The following GIMAP7 variants were observed in gnomAD, a reference collection of about 807,000 sequenced individuals.
GIMAP7 encodes the protein GTPase IMAP family member 7.
For missense variants in GIMAP7, 323 were observed against 359.7 expected (o/e 0.90, Z 0.83); for synonymous variants, 137 against 129.3 (o/e 1.06, Z -0.40).
Position 150,520,438 on chromosome 7 carries a change from G to A in GIMAP7, c.464G>A (p.Ser155Asn), listed in dbSNP as rs747843953. 6.2e-7 allele frequency: 1 copy of A among 1,614,232 alleles called. No individual in the cohort carries two copies. Among genetic ancestry groups the A allele is most frequent in the Non-Finnish European group, 8.5e-7 (1 of 1,180,048 alleles). The change falls in exon 2 of 2, where the codon AGC becomes AAC. Residue 155 changes from serine (S) to asparagine (N), a missense_variant. Coordinates refer to ENST00000313543, the MANE Select transcript of GIMAP7 (RefSeq NM_153236.4). ...FIADADVGLK[S>N]IVKECGNRCC... The stretch of plus-strand genomic sequence containing the variant: ...GCAGATGCGGATGTGGGCCTAAAAA[G>A]CATCGTCAAGGAGTGCGGGAACCGC...
At chr7:150,519,829 G>A (rs1260301117) in intron 1 of GIMAP7, 105 bp from the exon 2 acceptor site, 2 of 641,786 alleles carry the variant, frequency 3.1e-6, no homozygotes, top group Admixed American at 2.9e-5. Flanking sequence ...ATGGATAATA[G>A]GATATTACAA....
intron 1 of GIMAP7, among the ~76,000 whole-genome samples, chr7:150,516,161 G>A (rs895382569): frequency 6.6e-6 from 1 of 152,170 alleles, no homozygotes; most frequent in Non-Finnish European, 1.5e-5. Context: ...TCACTGTAGA[G>A]TATTTTTGAA....
Position 150,520,905 on chromosome 7 carries a change from T to C in GIMAP7, c.*28T>C, listed in dbSNP as rs750095789. Reference sequence around the variant, plus strand: ...TACTGTGATTTGTTAATGGATGAATTGTATTTTGCAAAGATAGTTAGAGAA... The same window carrying C: ...TACTGTGATTTGTTAATGGATGAATCGTATTTTGCAAAGATAGTTAGAGAA... On this transcript the variant is annotated 3_prime_UTR_variant, in exon 2 of 2. Coordinates refer to ENST00000313543, the MANE Select transcript of GIMAP7 (RefSeq NM_153236.4). 8.0e-7 allele frequency: 1 copy of C among 1,243,298 alleles called. No individual in the cohort carries two copies. The highest frequency in any genetic ancestry group is 2.0e-5 in the South Asian group (1 of 50,522). The allele number at this position is 1,243,298 out of a possible 1,614,324, so 77.0% of individuals were successfully genotyped here.
intron 1 of GIMAP7, among the ~76,000 whole-genome samples, chr7:150,517,977 T>C (rs1391492540): frequency 2.6e-5 from 4 of 152,156 alleles, no homozygotes; most frequent in East Asian, 1.9e-4. Flanking sequence ...CTTCTTCTTA[T>C]ATAAATGATA....
chr7:150,520,665 GA>G lies in GIMAP7; in HGVS notation c.694del (p.Ile232LeufsTer3). On this transcript the variant is annotated frameshift_variant, in exon 2 of 2. Transcript: ENST00000313543. LOFTEE classifies it low-confidence loss of function (END_TRUNC). ...RKIYTDQLNE[E>X]IKLVEEDKHK... is the part of the protein sequence containing the mutation. Reference sequence around the variant, plus strand: ...AATCTACACTGACCAATTAAATGAAGAAATTAAACTAGTAGAAGAGGATAAG... The same window carrying G: ...AATCTACACTGACCAATTAAATGAAGAATTAAACTAGTAGAAGAGGATAAG... 6.2e-7 allele frequency: 1 copy of G among 1,609,918 alleles called. No homozygotes were observed. Among genetic ancestry groups the G allele is most frequent in the African/African-American group, 1.3e-5 (1 of 74,794 alleles).
Position 150,520,877 on chromosome 7 carries a change from AT to A in GIMAP7, c.*3del. The A allele has an allele frequency of 7.1e-7, 1 of 1,404,152 alleles. No homozygotes were observed. Among genetic ancestry groups the A allele is most frequent in the South Asian group, 1.7e-5 (1 of 58,588 alleles). 87.0% of individuals were successfully genotyped at this position (1,404,152 alleles called of 1,614,324 possible). On this transcript the variant is annotated 3_prime_UTR_variant, in exon 2 of 2. Coordinates refer to ENST00000313543, the MANE Select transcript of GIMAP7 (RefSeq NM_153236.4). ...CGAAATGTAAGTTTTATTCTTCCTAATTTACTGTGATTTGTTAATGGATGAA... is the reference window on the plus strand; with the variant it reads ...CGAAATGTAAGTTTTATTCTTCCTAATTACTGTGATTTGTTAATGGATGAA...
At chr7:150,517,479 C>A (rs1000167612) in intron 1 of GIMAP7, among the ~76,000 whole-genome samples, 3 of 152,088 alleles carry the variant, frequency 2.0e-5, no homozygotes, top group Non-Finnish European at 4.4e-5. Flanking sequence ...GTCCTAATTT[C>A]TTTTGTGGGA....
chr7:150,520,273 T>A lies in GIMAP7; in HGVS notation c.299T>A (p.Leu100Gln). The A allele has an allele frequency of 1.9e-6, 3 of 1,614,214 alleles. No individual in the cohort carries two copies. The highest frequency in any genetic ancestry group is 2.5e-6 in the Non-Finnish European group (3 of 1,180,042). The change falls in exon 2 of 2, where the codon CTG (leucine) becomes CAG (glutamine). Residue 100 changes from leucine to glutamine, a missense_variant. Coordinates refer to ENST00000313543, the MANE Select transcript of GIMAP7 (RefSeq NM_153236.4). ...PGPHAIVLVL[L>Q]LGRYTEEEQK... The stretch of plus-strand genomic sequence containing the variant: ...CCCCATGCTATTGTCCTAGTTCTGC[T>A]GCTGGGCCGCTACACAGAGGAGGAG...
chr7:150,517,953 T>TAA (rs1795151493), intron 1 of GIMAP7, among the ~76,000 whole-genome samples: 1 of 152,070 alleles, frequency 6.6e-6, no homozygotes, highest in Non-Finnish European at 1.5e-5. Flanking sequence ...TTTATATATA[T>TAA]AAAACTAATA....
chr7:150,516,414 G>A (rs1308828484), intron 1 of GIMAP7, among the ~76,000 whole-genome samples: 1 of 152,114 alleles, frequency 6.6e-6, no homozygotes, highest in Non-Finnish European at 1.5e-5. Flanking sequence ...TTATTTTGAA[G>A]CAAATGTCAG....
chr7:150,520,521 C>T lies in GIMAP7; in HGVS notation c.547C>T (p.Gln183Ter), dbSNP rs1795178669. The stretch of plus-strand genomic sequence containing the variant: ...TAAGGCAGAGAAGGAAAGTCAAGTG[C>T]AGGAGTTGGTGGAGCTGATAGAGAA... Reference protein sequence around the residue: ...TSKAEKESQVQELVELIEKMV... With the variant: ...TSKAEKESQV The change falls in exon 2 of 2, where the codon CAG (glutamine) becomes TAG (stop). Residue 183 changes from glutamine to a stop codon, truncating the protein, a stop_gained. Coordinates refer to ENST00000313543, the MANE Select transcript of GIMAP7 (RefSeq NM_153236.4). LOFTEE classifies it low-confidence loss of function (END_TRUNC). The T allele has an allele frequency of 6.2e-7, 1 of 1,614,004 alleles. No homozygotes were observed.
intron 1 of GIMAP7, among the ~76,000 whole-genome samples, chr7:150,518,549 G>A (rs1027851618): frequency 1.3e-5 from 2 of 151,864 alleles, no homozygotes; most frequent in African/African-American, 4.8e-5. Flanking sequence ...TCAAGTCATT[G>A]GTCTTTTGTT....
At position 150,514,893 on chromosome 7, in the gene GIMAP7, G is replaced by C. The variant is rs934234098; in HGVS notation, c.-94G>C. On this transcript the variant is annotated 5_prime_UTR_variant, in exon 1 of 2. Transcript: ENST00000313543. ...ACTCACAGTAAAAGCAAAAGCAACA[G>C]CTCAAGCAGCCTCCTTGGAGAAAAC... The C allele has an allele frequency of 6.6e-6, 1 of 152,316 alleles. No homozygotes were observed. Among genetic ancestry groups the C allele is most frequent in the African/African-American group, 2.4e-5 (1 of 41,452 alleles). 9.4% of individuals were successfully genotyped at this position (152,316 alleles called of 1,614,324 possible).
At chr7:150,515,134 C>G (rs1795121748) in intron 1 of GIMAP7, among the ~76,000 whole-genome samples, 189 bp downstream of exon 1, 1 of 152,152 alleles carries the variant, frequency 6.6e-6, no homozygotes, top group African/African-American at 2.4e-5. Flanking sequence ...GGAGCCCATG[C>G]ATCTCATATG....
rs200959212 is a variant in GIMAP7 at position 150,515,455 on chromosome 7, CAT to C, written c.-42+511_-42+512del. Among the ~76,000 whole-genome samples the C allele has an allele frequency of 3.8e-3, 577 of 152,320 alleles. 2 individuals carry two copies. The highest frequency in any genetic ancestry group is 0.011 in the African/African-American group (444 of 41,578). On this transcript the variant is annotated intron_variant, in intron 1 of 1. Coordinates refer to ENST00000313543, the MANE Select transcript of GIMAP7 (RefSeq NM_153236.4). ...ACAAGCTGTGTCCCTAACAGTGTAA[CAT>C]GTGGGGCTGCTGCGCCATTCAGTAC...
chr7:150,516,602 G>C (rs1451380930), intron 1 of GIMAP7, among the ~76,000 whole-genome samples: 3 of 152,166 alleles, frequency 2.0e-5, no homozygotes, highest in Non-Finnish European at 4.4e-5. Context: ...GTTTGAGGTA[G>C]GATCTAAGTA....
chr7:150,515,214 C>T (rs1795122646), intron 1 of GIMAP7, among the ~76,000 whole-genome samples: 1 of 152,156 alleles, frequency 6.6e-6, no homozygotes, highest in Admixed American at 6.5e-5. Context: ...CAGAGTGTTG[C>T]CTGATAACCT....
In GIMAP7 at chr7:150,521,034, AC is replaced by A. The variant is rs2116666845; in HGVS notation, c.*158del. 1 of 246,718 alleles carries A rather than the reference AC, an allele frequency of 4.1e-6. No individual in the cohort carries two copies. Among genetic ancestry groups the A allele is most frequent in the East Asian group, 9.3e-5 (1 of 10,808 alleles). The allele number at this position is 246,718 out of a possible 1,614,324, so 15.3% of individuals were successfully genotyped here. A position where few individuals can be genotyped will look rare whatever the true frequency, so the allele number is the denominator to read the frequency against. On this transcript the variant is annotated 3_prime_UTR_variant, in exon 2 of 2. Transcript: ENST00000313543. ...TTTAAATATATATATATATATACACACATTGTGAAATAATGAAATAAAGGTA... is the reference window on the plus strand; with the variant it reads ...TTTAAATATATATATATATATACACAATTGTGAAATAATGAAATAAAGGTA...
In GIMAP7 at chr7:150,520,162, A is replaced by G. The variant is rs959673940; in HGVS notation, c.188A>G (p.Asp63Gly). 6.2e-7 allele frequency: 1 copy of G among 1,614,002 alleles called. No homozygotes were observed. The highest frequency in any genetic ancestry group is 8.5e-7 in the Non-Finnish European group (1 of 1,179,996). Residue 63 changes from aspartate (D) to glycine (G), a missense_variant, in exon 2 of 2, where the codon GAC becomes GGC. Coordinates refer to ENST00000313543, the MANE Select transcript of GIMAP7 (RefSeq NM_153236.4). ...CAGGGGAGAGACCTTCTTGTTGTAG[A>G]CACTCCAGGGCTCTTTGACACCAAG... is the stretch of plus-strand genomic sequence containing the variant. ...EWQGRDLLVVDTPGLFDTKES... is the reference protein window; with the variant it reads ...EWQGRDLLVVGTPGLFDTKES...
Sources: allele counts gnomAD v4.1 joint callset (sites outside exome capture counted in the v4.1 genomes callset), GRCh38; gene constraint gnomAD v4.1.1; transcripts MANE v1.5; gene names NCBI Gene and HGNC (gene_info 2026-07-23, HGNC 2026-07-21).